S1PR1: variants seen among roughly 807,000 people sequenced by gnomAD.
S1PR1 encodes the protein sphingosine 1-phosphate receptor 1.
Under a neutral mutation model 18.3 loss-of-function variants are expected in S1PR1, and 2 were observed. The ratio of observed to expected loss-of-function variants is 0.11; its 90% CI spans 0.04 to 0.34. The LOEUF is 0.34. Among genes scored for constraint, S1PR1 ranks in the 10% least tolerant of loss-of-function variants. S1PR1 has a pLI of 1.00. For synonymous variants in S1PR1, 222 were observed against 211.2 expected (o/e 1.05, Z -0.44); for missense variants, 335 against 493.8 (o/e 0.68, Z 3.05).
chr1:101,238,560 G>T (rs576126913), intron 1 of S1PR1, among the ~76,000 whole-genome samples: 1 of 150,334 alleles, frequency 6.7e-6, no homozygotes, highest in Admixed American at 6.6e-5. Context: ...AGCCAACATC[G>T]TAATTCCCAT....
Position 101,239,992 on chromosome 1 carries a change from T to C in S1PR1, c.1008T>C (p.Ser336=), listed in dbSNP as rs1377471293. ...GCTGCAAGTGCCCGAGCGGAGACTCTGCTGGCAAATTCAAGCGACCCATCA... is the reference window on the plus strand; with the variant it reads ...GCTGCAAGTGCCCGAGCGGAGACTCCGCTGGCAAATTCAAGCGACCCATCA... ...MSCCKCPSGD[S]AGKFKRPIIA... Residue 336 remains serine (S), a synonymous_variant, in exon 2 of 2, where the codon TCT becomes TCC. Coordinates refer to ENST00000305352, the MANE Select transcript of S1PR1 (RefSeq NM_001400.5). This position sits in a 1 kb window ranked among gnomAD's most constrained non-coding sequence, Gnocchi z 6.3. The C allele has an allele frequency of 6.2e-7, 1 of 1,614,012 alleles. No homozygotes were observed. Among genetic ancestry groups the C allele is most frequent in the Non-Finnish European group, 8.5e-7 (1 of 1,180,038 alleles).
In S1PR1 at chr1:101,239,841, C is replaced by T; in HGVS notation, c.857C>T (p.Thr286Ile). The change falls in exon 2 of 2, where the codon ACC becomes ATC. Residue 286 changes from threonine to isoleucine, a missense_variant. Transcript: ENST00000305352. This position sits in a 1 kb window ranked among gnomAD's most constrained non-coding sequence, Gnocchi z 6.3. ...LLLDVGCKVK[T>I]CDILFRAEYF... Reference sequence around the variant, plus strand: ...CTGGATGTGGGCTGCAAGGTGAAGACCTGTGACATCCTCTTCAGAGCGGAG... The same window carrying T: ...CTGGATGTGGGCTGCAAGGTGAAGATCTGTGACATCCTCTTCAGAGCGGAG... The T allele has an allele frequency of 6.2e-7, 1 of 1,613,668 alleles. No individual in the cohort carries two copies. Among genetic ancestry groups the T allele is most frequent in the Non-Finnish European group, 8.5e-7 (1 of 1,180,028 alleles).
At position 101,239,650 on chromosome 1, in the gene S1PR1, C is replaced by A; in HGVS notation, c.666C>A (p.Cys222Ter). The stretch of plus-strand genomic sequence containing the variant: ...TGCTCTCCATCGTCATTCTGTACTG[C>A]AGAATCTACTCCTTGGTCAGGACTC... ...LLLLSIVILY[C>*]RIYSLVRTRS... Residue 222 changes from cysteine (C) to a stop codon, truncating the protein, a stop_gained, in exon 2 of 2, where the codon TGC (cysteine) becomes TGA (stop). Transcript: ENST00000305352. LOFTEE classifies it high-confidence loss of function. The surrounding 1 kb of genome is among the most constrained non-coding windows in gnomAD (Gnocchi z 6.3). The A allele has an allele frequency of 6.2e-7, 1 of 1,614,106 alleles. No individual in the cohort carries two copies. The highest frequency in any genetic ancestry group is 8.5e-7 in the Non-Finnish European group (1 of 1,180,034).
At chr1:101,238,605 CCT>C (rs1426780092) in intron 1 of S1PR1, among the ~76,000 whole-genome samples, 1 of 151,546 alleles carries the variant, frequency 6.6e-6, no homozygotes, top group Non-Finnish European at 1.5e-5. Context: ...AGAGTTTCTC[CCT>C]CTCTTTTTCT....
chr1:101,237,063 G>C lies in S1PR1; in HGVS notation c.-200G>C, dbSNP rs200027206. The C allele has an allele frequency of 6.6e-6, 1 of 152,268 alleles. No individual in the cohort carries two copies. The highest frequency in any genetic ancestry group is 1.5e-5 in the Non-Finnish European group (1 of 68,022). 9.4% of individuals were successfully genotyped at this position (152,268 alleles called of 1,614,324 possible). ...ATGCGAAGCGAGCCGTACAGATCCC[G>C]GGCTCTCCGAACGCAACTTCGCCCT... On this transcript the variant is annotated 5_prime_UTR_variant, in exon 1 of 2. Transcript: ENST00000305352.
At chr1:101,241,564 C>G (rs1250418978), downstream of S1PR1, 2 of 165,744 alleles carry the variant, frequency 1.2e-5, no homozygotes, top group East Asian at 3.8e-4. Flanking sequence ...GAGTCATCTA[C>G]TGGATTGTGT....
In S1PR1 at chr1:101,239,559, C is replaced by T; in HGVS notation, c.575C>T (p.Ser192Phe). ...WNCISALSSC[S>F]TVLPLYHKHY... ...TGCATCAGTGCGCTGTCCAGCTGCT[C>T]CACCGTGCTGCCGCTCTACCACAAG... The change falls in exon 2 of 2, where the codon TCC (serine) becomes TTC (phenylalanine). Residue 192 changes from serine to phenylalanine, a missense_variant. By Grantham distance (155) the Ser-to-Phe change is radical. Transcript: ENST00000305352. The surrounding 1 kb of genome is among the most constrained non-coding windows in gnomAD (Gnocchi z 6.3). 1 of 1,614,040 alleles carries T rather than the reference C, an allele frequency of 6.2e-7. No homozygotes were observed. The highest frequency in any genetic ancestry group is 8.5e-7 in the Non-Finnish European group (1 of 1,180,030).
Position 101,241,103 on chromosome 1 carries a change from C to G in S1PR1, c.*970C>G, listed in dbSNP as rs1652876727. ...AGAATGTTGTGTGATTCATTTCAAG[C>G]AACAACATGGTTGTATTTTGTTGTG... On this transcript the variant is annotated 3_prime_UTR_variant, in exon 2 of 2. Coordinates refer to ENST00000305352, the MANE Select transcript of S1PR1 (RefSeq NM_001400.5). 1 of 167,124 alleles carries G rather than the reference C, an allele frequency of 6.0e-6. No homozygotes were observed. The highest frequency in any genetic ancestry group is 6.5e-5 in the Admixed American group (1 of 15,282). 10.4% of individuals were successfully genotyped at this position (167,124 alleles called of 1,614,324 possible). A position where few individuals can be genotyped will look rare whatever the true frequency, so the allele number is the denominator to read the frequency against.
In S1PR1 at chr1:101,240,105, C is replaced by T. The variant is rs745830040; in HGVS notation, c.1121C>T (p.Ser374Phe). The change falls in exon 2 of 2, where the codon TCT becomes TTT. Residue 374 changes from serine to phenylalanine, a missense_variant. Physicochemically the swap from Ser to Phe is radical, Grantham distance 155. Coordinates refer to ENST00000305352, the MANE Select transcript of S1PR1 (RefSeq NM_001400.5). ...GGGGACAACCCAGAGACCATTATGT[C>T]TTCTGGAAACGTCAACTCTTCTTCC... ...DEGDNPETIM[S>F]SGNVNSSS 2 of 1,613,180 alleles carry T rather than the reference C, an allele frequency of 1.2e-6. No homozygotes were observed. Among genetic ancestry groups the T allele is most frequent in the Admixed American group, 3.3e-5 (2 of 60,028 alleles).
At position 101,239,854 on chromosome 1, in the gene S1PR1, C is replaced by A. The variant is rs776570130; in HGVS notation, c.870C>A (p.Leu290=). 2 of 1,613,800 alleles carry A rather than the reference C, an allele frequency of 1.2e-6. No individual in the cohort carries two copies. Among genetic ancestry groups the A allele is most frequent in the East Asian group, 4.5e-5 (2 of 44,886 alleles). The change falls in exon 2 of 2, where the codon CTC becomes CTA. Residue 290 remains leucine (L), a synonymous_variant. Transcript: ENST00000305352. This position sits in a 1 kb window ranked among gnomAD's most constrained non-coding sequence, Gnocchi z 6.3. ...VGCKVKTCDI[L]FRAEYFLVLA... is the part of the protein sequence containing the mutation. ...GCAAGGTGAAGACCTGTGACATCCT[C>A]TTCAGAGCGGAGTACTTCCTGGTGT...
In S1PR1 at chr1:101,239,743, G is replaced by T. The variant is rs1557707830; in HGVS notation, c.759G>T (p.Ala253=). Residue 253 remains alanine, a synonymous_variant, in exon 2 of 2, where the codon GCG becomes GCT. Transcript: ENST00000305352. This position sits in a 1 kb window ranked among gnomAD's most constrained non-coding sequence, Gnocchi z 6.3. ...KASRSSEKSL[A]LLKTVIIVLS... Reference sequence around the variant, plus strand: ...GCCGCAGCTCTGAGAAGTCGCTGGCGCTGCTCAAGACCGTAATTATCGTCC... The same window carrying T: ...GCCGCAGCTCTGAGAAGTCGCTGGCTCTGCTCAAGACCGTAATTATCGTCC... 1 of 1,613,746 alleles carries T rather than the reference G, an allele frequency of 6.2e-7. No individual in the cohort carries two copies. The highest frequency in any genetic ancestry group is 8.5e-7 in the Non-Finnish European group (1 of 1,180,004).
Position 101,238,932 on chromosome 1 carries a change from C to T in S1PR1, c.-53C>T, listed in dbSNP as rs1652796951. 2 of 1,530,270 alleles carry T rather than the reference C, an allele frequency of 1.3e-6. No homozygotes were observed. Among genetic ancestry groups the T allele is most frequent in the East Asian group, 2.3e-5 (1 of 43,912 alleles). 94.8% of individuals were successfully genotyped at this position (1,530,270 alleles called of 1,614,324 possible). On this transcript the variant is annotated 5_prime_UTR_variant, in exon 2 of 2. Coordinates refer to ENST00000305352, the MANE Select transcript of S1PR1 (RefSeq NM_001400.5). Reference sequence around the variant, plus strand: ...AAGGCTCTCTCGCCTCGCCCTCTAGCGTTCGTCTGGAGTAGCGCCACCCCG... The same window carrying T: ...AAGGCTCTCTCGCCTCGCCCTCTAGTGTTCGTCTGGAGTAGCGCCACCCCG...
Position 101,240,162 on chromosome 1 carries a change from G to A in S1PR1, c.*29G>A, listed in dbSNP as rs202216527. The A allele has an allele frequency of 1.0e-4, 169 of 1,611,308 alleles. No individual in the cohort carries two copies. Among genetic ancestry groups the A allele is most frequent in the Non-Finnish European group, 1.3e-4 (150 of 1,179,176 alleles). On this transcript the variant is annotated 3_prime_UTR_variant, in exon 2 of 2. Transcript: ENST00000305352. The stretch of plus-strand genomic sequence containing the variant: ...TGGAAGCTGTCCACCCACCGGAAGC[G>A]CTCTTTACTTGGTCGCTGGCCACCC...
chr1:101,241,785 GT>G (rs1414111120), downstream of S1PR1, among the ~76,000 whole-genome samples: 5 of 152,290 alleles, frequency 3.3e-5, no homozygotes, highest in Admixed American at 1.3e-4. Context: ...AAGTAGAATT[GT>G]TTGAGTTTTA....
At position 101,240,271 on chromosome 1, in the gene S1PR1, G is replaced by T. The variant is rs41287282; in HGVS notation, c.*138G>T. ...CCAGAGGGAGGAAGGGGGAGAATAC[G>T]AACAGCCTGGTGGTGTCGGGTGTTG... On this transcript the variant is annotated 3_prime_UTR_variant, in exon 2 of 2. Coordinates refer to ENST00000305352, the MANE Select transcript of S1PR1 (RefSeq NM_001400.5). 8 of 857,244 alleles carry T rather than the reference G, an allele frequency of 9.3e-6. No homozygotes were observed. The Middle Eastern group carries it at 6.8e-4, about 72-fold the overall frequency. The allele number at this position is 857,244 out of a possible 1,614,324, so 53.1% of individuals were successfully genotyped here. A position where few individuals can be genotyped will look rare whatever the true frequency, so the allele number is the denominator to read the frequency against.
chr1:101,240,138 G>A lies in S1PR1; in HGVS notation c.*5G>A. The A allele has an allele frequency of 6.2e-7, 1 of 1,612,970 alleles. No homozygotes were observed. The highest frequency in any genetic ancestry group is 8.5e-7 in the Non-Finnish European group (1 of 1,180,002). ...AACGTCAACTCTTCTTCCTAGAACTGGAAGCTGTCCACCCACCGGAAGCGC... is the reference window on the plus strand; with the variant it reads ...AACGTCAACTCTTCTTCCTAGAACTAGAAGCTGTCCACCCACCGGAAGCGC... On this transcript the variant is annotated 3_prime_UTR_variant, in exon 2 of 2. Coordinates refer to ENST00000305352, the MANE Select transcript of S1PR1 (RefSeq NM_001400.5).
Position 101,240,161 on chromosome 1 carries a change from C to T in S1PR1, c.*28C>T, listed in dbSNP as rs144051535. The T allele has an allele frequency of 6.2e-7, 1 of 1,611,992 alleles. No individual in the cohort carries two copies. The highest frequency in any genetic ancestry group is 2.2e-5 in the East Asian group (1 of 44,880). On this transcript the variant is annotated 3_prime_UTR_variant, in exon 2 of 2. Transcript: ENST00000305352. ...CTGGAAGCTGTCCACCCACCGGAAG[C>T]GCTCTTTACTTGGTCGCTGGCCACC...
Position 101,240,709 on chromosome 1 carries a change from AG to A in S1PR1, c.*577del, listed in dbSNP as rs1280742115. 5.9e-6 allele frequency: 1 copy of A among 170,588 alleles called. No individual in the cohort carries two copies. Among genetic ancestry groups the A allele is most frequent in the Non-Finnish European group, 1.4e-5 (1 of 70,248 alleles). The allele number at this position is 170,588 out of a possible 1,614,324, so 10.6% of individuals were successfully genotyped here. On this transcript the variant is annotated 3_prime_UTR_variant, in exon 2 of 2. Coordinates refer to ENST00000305352, the MANE Select transcript of S1PR1 (RefSeq NM_001400.5). ...CATCTATAGCAAATAGGCTATGTTG[AG>A]TACGTAGGCTGTGGGAAGATGAAGA...
At position 101,239,358 on chromosome 1, in the gene S1PR1, T is replaced by C. The variant is rs1346744443; in HGVS notation, c.374T>C (p.Phe125Ser). 4 of 1,614,056 alleles carry C rather than the reference T, an allele frequency of 2.5e-6. No homozygotes were observed. Among genetic ancestry groups the C allele is most frequent in the Non-Finnish European group, 3.4e-6 (4 of 1,180,030 alleles). ...AQWFLREGSM[F>S]VALSASVFSL... ...TGGTTTCTGCGGGAAGGGAGTATGT[T>C]TGTGGCCCTGTCAGCCTCCGTGTTC... Residue 125 changes from phenylalanine to serine, a missense_variant, in exon 2 of 2, where the codon TTT becomes TCT. By Grantham distance (155) the Phe-to-Ser change is radical. This residue lies in a region of S1PR1 where 214 missense variants were observed against 366.6 expected (regional missense o/e 0.58). Transcript: ENST00000305352. The surrounding 1 kb of genome is among the most constrained non-coding windows in gnomAD (Gnocchi z 6.3).
Sources: allele counts gnomAD v4.1 joint callset (sites outside exome capture counted in the v4.1 genomes callset), GRCh38; gene constraint gnomAD v4.1.1; regional missense constraint gnomAD v4.1.1; non-coding constraint Gnocchi (gnomAD v3.1); transcripts MANE v1.5; gene names NCBI Gene and HGNC (gene_info 2026-07-23, HGNC 2026-07-21).